Variants in VDAC1 observed in about 807,000 individuals in gnomAD.
VDAC1 encodes non-selective voltage-gated ion channel VDAC1.
A neutral mutation model predicts 34.7 loss-of-function variants in VDAC1; 10 were observed. The observed-to-expected ratio is 0.29, with a 90% CI of 0.18 to 0.49. The LOEUF (loss-of-function observed/expected upper bound fraction) is 0.49. Among genes scored for constraint, VDAC1 ranks in the 20% least tolerant of loss-of-function variants. The pLI is 0.99. For missense variants in VDAC1, 230 were observed against 347.9 expected, an observed-to-expected ratio of 0.66 and a Z score of 2.69; for synonymous variants, 130 against 136.0, an observed-to-expected ratio of 0.96 and a Z score of 0.30.
chr5:134,090,936 C>G, the VDAC1 span, among the ~76,000 whole-genome samples: 1 of 152,320 alleles, frequency 6.6e-6, no homozygotes, highest in East Asian at 1.9e-4. Context: ...TCAGATCCAA[C>G]TGCAGTGGCT....
chr5:134,052,162 G>A, the VDAC1 span, among the ~76,000 whole-genome samples: 1 of 152,100 alleles, frequency 6.6e-6, no homozygotes, highest in African/African-American at 2.4e-5. Flanking sequence ...AGAGAAATCT[G>A]AAGGGTCAAG....
At chr5:134,033,561 G>A in the VDAC1 span, among the ~76,000 whole-genome samples, 2 of 151,848 alleles carry the variant, frequency 1.3e-5, no homozygotes, top group African/African-American at 4.8e-5. Context: ...TCATGCTGGG[G>A]GAGCTCCACT....
At chr5:134,003,497 C>A (rs1753638733) in intron 1 of VDAC1, among the ~76,000 whole-genome samples, 1 of 152,214 alleles carries the variant, frequency 6.6e-6, no homozygotes, top group African/African-American at 2.4e-5. Context: ...TGTAAACTTA[C>A]AAGATTTTTC....
At chr5:134,065,152 A>G in the VDAC1 span, among the ~76,000 whole-genome samples, 1 of 151,864 alleles carries the variant, frequency 6.6e-6, no homozygotes, top group African/African-American at 2.4e-5. Flanking sequence ...TCTTTAAAGG[A>G]TATAAATTTC....
At chr5:134,100,055 G>A in the VDAC1 span, among the ~76,000 whole-genome samples, 16 of 152,258 alleles carry the variant, frequency 1.1e-4, no homozygotes, top group Admixed American at 3.3e-4. Flanking sequence ...GGCTGGCCCT[G>A]TGCATAGGCA....
the VDAC1 span, among the ~76,000 whole-genome samples, chr5:134,049,029 G>A: frequency 6.6e-6 from 1 of 152,180 alleles, no homozygotes; most frequent in African/African-American, 2.4e-5. Context: ...TATCTCACAT[G>A]ATGCAGTAAT....
the VDAC1 span, among the ~76,000 whole-genome samples, chr5:134,094,150 C>T: frequency 6.6e-5 from 10 of 152,248 alleles, no homozygotes; most frequent in African/African-American, 2.2e-4. Context: ...GGCTTGAGCA[C>T]TGCCTCATCC....
chr5:134,109,560 A>G, the VDAC1 span, among the ~76,000 whole-genome samples: 1 of 152,162 alleles, frequency 6.6e-6, no homozygotes, highest in East Asian at 1.9e-4. Context: ...AGCTGAGGTC[A>G]GGAGTTCGAG....
chr5:133,994,967 C>T (rs1025915614), intron 1 of VDAC1, among the ~76,000 whole-genome samples: 3 of 152,160 alleles, frequency 2.0e-5, no homozygotes, highest in African/African-American at 7.2e-5. Context: ...GAGACGCCTC[C>T]CAGACACAGC....
chr5:134,111,366 G>T, the VDAC1 span, among the ~76,000 whole-genome samples: 1 of 152,190 alleles, frequency 6.6e-6, no homozygotes, highest in African/African-American at 2.4e-5. Context: ...GAATCCAGAA[G>T]ACTCTGGGGC....
the VDAC1 span, among the ~76,000 whole-genome samples, chr5:134,040,185 CTT>C: frequency 6.6e-6 from 1 of 152,244 alleles, no homozygotes; most frequent in Admixed American, 6.5e-5. Flanking sequence ...AACCCCAACA[CTT>C]TGGGAGGCCA....
chr5:134,037,609 T>TA, the VDAC1 span, among the ~76,000 whole-genome samples: 1 of 152,240 alleles, frequency 6.6e-6, no homozygotes, highest in Non-Finnish European at 1.5e-5. Context: ...TGCTTCAAGA[T>TA]ATCCCACCTT....
intron 7 of VDAC1, 136 bp from the exon 8 acceptor site, chr5:133,973,984 AT>A (rs1370705591): frequency 1.5e-6 from 1 of 687,818 alleles, no homozygotes; most frequent in Non-Finnish European, 2.5e-6. Flanking sequence ...TGTTCATGAG[AT>A]TCATTAAATT....
At chr5:133,983,722 T>C (rs1468475236) in intron 5 of VDAC1, among the ~76,000 whole-genome samples, 5 of 152,212 alleles carry the variant, frequency 3.3e-5, no homozygotes, top group Non-Finnish European at 7.3e-5. Flanking sequence ...TTCGATGCTG[T>C]ATCTTCTGAA....
the VDAC1 span, among the ~76,000 whole-genome samples, chr5:134,049,840 C>T: frequency 6.6e-6 from 1 of 152,164 alleles, no homozygotes; most frequent in East Asian, 1.9e-4. Flanking sequence ...CTTGGCCTCC[C>T]ACGGTGCTGG....
At chr5:134,016,970 G>C in the VDAC1 span, among the ~76,000 whole-genome samples, 1 of 152,208 alleles carries the variant, frequency 6.6e-6, no homozygotes, top group South Asian at 2.1e-4. Context: ...AGTCTGTAGG[G>C]GGCATGGCAG....
At chr5:134,066,806 C>T in the VDAC1 span, among the ~76,000 whole-genome samples, 1 of 152,140 alleles carries the variant, frequency 6.6e-6, no homozygotes, top group South Asian at 2.1e-4. Flanking sequence ...AGAATTTCCC[C>T]GTTTAATGGC....
chr5:133,983,532 T>C (rs1398936340), intron 5 of VDAC1, among the ~76,000 whole-genome samples: 3 of 152,082 alleles, frequency 2.0e-5, no homozygotes, highest in African/African-American at 4.8e-5. Flanking sequence ...TATTTTTGTA[T>C]GTTTCAGATT....
At chr5:134,082,680 A>C in the VDAC1 span, among the ~76,000 whole-genome samples, 3 of 152,214 alleles carry the variant, frequency 2.0e-5, no homozygotes, top group African/African-American at 4.8e-5. Context: ...TCATATCAGC[A>C]ATATAACTGC....
Sources: gnomAD v4.1 joint callset for allele counts (sites outside exome capture counted in the v4.1 genomes callset) on GRCh38, gnomAD v4.1.1 for gene constraint, MANE v1.5 for transcripts, NCBI Gene and HGNC (gene_info 2026-07-23, HGNC 2026-07-21) for gene names.